SLC60A2: variants seen among roughly 807,000 people sequenced by gnomAD.
SLC60A2 encodes the protein major facilitator superfamily domain containing 4B.
the SLC60A2 span, chr6:111,266,488 C>T: frequency 1.9e-6 from 3 of 1,614,190 alleles, no homozygotes; most frequent in African/African-American, 1.3e-5. Flanking sequence ...CTGACTTCAT[C>T]TTTATTTCTG....
the SLC60A2 span, chr6:111,263,920 G>A: frequency 6.2e-7 from 1 of 1,604,528 alleles, no homozygotes. Context: ...TCTATCTTCG[G>A]TGTTTCAATT....
At chr6:111,273,757 A>T in the SLC60A2 span, among the ~76,000 whole-genome samples, 1 of 150,854 alleles carries the variant, frequency 6.6e-6, no homozygotes, top group Non-Finnish European at 1.5e-5. Flanking sequence ...ACAGAGTCTC[A>T]CTCTGTTACC....
chr6:111,267,186 G>T, the SLC60A2 span: 3 of 1,419,806 alleles, frequency 2.1e-6, no homozygotes, highest in Non-Finnish European at 2.9e-6. Context: ...TCAGAGCAGA[G>T]CATTAGCAGA....
At chr6:111,272,591 A>C in the SLC60A2 span, among the ~76,000 whole-genome samples, 2 of 150,066 alleles carry the variant, frequency 1.3e-5, no homozygotes, top group Non-Finnish European at 2.9e-5. Context: ...TGCTCACTGC[A>C]ACCTCTGTCT....
the SLC60A2 span, chr6:111,262,315 G>A: frequency 7.4e-6 from 12 of 1,613,990 alleles, no homozygotes; most frequent in Admixed American, 1.7e-5. Flanking sequence ...AACGTGAACC[G>A]AAATATCAGT....
chr6:111,273,498 T>TG, the SLC60A2 span, among the ~76,000 whole-genome samples: 6 of 115,190 alleles, frequency 5.2e-5, no homozygotes, highest in Non-Finnish European at 8.8e-5. Flanking sequence ...AGATTTGTGT[T>TG]TTTTTTTTTT....
At chr6:111,268,147 G>C in the SLC60A2 span, 1 of 152,236 alleles carries the variant, frequency 6.6e-6, no homozygotes. Context: ...CAAATGAGAA[G>C]TGAAACCAAA....
At chr6:111,265,811 A>T in the SLC60A2 span, 45 of 1,338,616 alleles carry the variant, frequency 3.4e-5, no homozygotes, top group East Asian at 1.0e-3. Flanking sequence ...TGATAAGTGA[A>T]CTTTTTTTTT....
the SLC60A2 span, among the ~76,000 whole-genome samples, chr6:111,260,986 A>G: frequency 2.6e-5 from 4 of 152,234 alleles, no homozygotes; most frequent in African/African-American, 4.8e-5. Flanking sequence ...AATTAGAATC[A>G]GTTATTCTGG....
the SLC60A2 span, chr6:111,266,212 C>A: frequency 1.2e-6 from 2 of 1,613,392 alleles, no homozygotes; most frequent in Non-Finnish European, 1.7e-6. Context: ...GCAAGAGCAT[C>A]TGCTGAGACA....
chr6:111,262,259 A>G, the SLC60A2 span: 2 of 1,609,538 alleles, frequency 1.2e-6, no homozygotes, highest in Admixed American at 3.4e-5. Context: ...AATTTTAGGG[A>G]TTGAGTGTTG....
chr6:111,261,279 C>G, the SLC60A2 span, among the ~76,000 whole-genome samples: 1 of 152,156 alleles, frequency 6.6e-6, no homozygotes, highest in Non-Finnish European at 1.5e-5. Context: ...AGAAATATTG[C>G]TGTTTAACAA....
chr6:111,259,389 C>A, the SLC60A2 span: 1 of 373,818 alleles, frequency 2.7e-6, no homozygotes, highest in Non-Finnish European at 4.8e-6. Flanking sequence ...CGAAGTTCCT[C>A]TTCTCTGCCC....
At chr6:111,266,348 G>A in the SLC60A2 span, 2 of 1,614,096 alleles carry the variant, frequency 1.2e-6, no homozygotes, top group South Asian at 2.2e-5. Flanking sequence ...ATGCTGGCAT[G>A]AAAGAAAGTG....
chr6:111,259,474 C>T, the SLC60A2 span: 5 of 476,564 alleles, frequency 1.0e-5, no homozygotes, highest in African/African-American at 8.1e-5. Context: ...GTGCTCTTCT[C>T]GGAGCTCCAG....
the SLC60A2 span, among the ~76,000 whole-genome samples, chr6:111,274,724 A>G: frequency 6.6e-6 from 1 of 152,228 alleles, no homozygotes; most frequent in South Asian, 2.1e-4. Flanking sequence ...GATGGTGATT[A>G]TCATCTTTTT....
At chr6:111,265,785 A>G in the SLC60A2 span, 3 of 997,938 alleles carry the variant, frequency 3.0e-6, no homozygotes, top group Non-Finnish European at 4.5e-6. Flanking sequence ...TATGTAAAAT[A>G]GACTCACCCC....
chr6:111,270,597 T>C, the SLC60A2 span: 2 of 151,954 alleles, frequency 1.3e-5, no homozygotes, highest in African/African-American at 4.8e-5. Flanking sequence ...ATCCCAGCAC[T>C]TTGGGAGGCC....
At chr6:111,267,335 T>C in the SLC60A2 span, 4 of 482,012 alleles carry the variant, frequency 8.3e-6, no homozygotes, top group Admixed American at 1.1e-4. Context: ...GATCTTGTTA[T>C]AACGCTATCA....
Sources: allele counts gnomAD v4.1 joint callset (sites outside exome capture counted in the v4.1 genomes callset), GRCh38; gene constraint gnomAD v4.1.1; transcripts MANE v1.5; gene names NCBI Gene and HGNC (gene_info 2026-07-23, HGNC 2026-07-21).